GDPD5: variants seen among roughly 807,000 people sequenced by gnomAD.
The protein encoded by GDPD5 is glycerophosphodiester phosphodiesterase domain containing 5, also known as glycerophosphodiester phosphodiesterase 2.
In GDPD5, 48 loss-of-function variants were observed where a neutral mutation model predicts 75.1. The ratio of observed to expected loss-of-function variants is 0.64; its 90% CI spans 0.51 to 0.81. GDPD5 has a LOEUF of 0.81. GDPD5 is among the 40% of genes least tolerant of loss of function. The pLI is 0.00. For synonymous variants in GDPD5, 336 were observed against 339.0 expected (o/e 0.99, Z 0.10); for missense variants, 706 against 822.6 (o/e 0.86, Z 1.73).
At position 75,444,416 on chromosome 11, in the gene GDPD5, A is replaced by C; in HGVS notation, c.794T>G (p.Ile265Ser). 6.2e-7 allele frequency: 1 copy of C among 1,611,422 alleles called. No homozygotes were observed. Among genetic ancestry groups the C allele is most frequent in the Non-Finnish European group, 8.5e-7 (1 of 1,177,796 alleles). ...ATCTCCCCTCCGCTACACCTACCTGATGGTAATGTCAGCCTGGAGCCCGTA... is the reference window on the plus strand; with the variant it reads ...ATCTCCCCTCCGCTACACCTACCTGCTGGTAATGTCAGCCTGGAGCCCGTA... ...KLYGLQADITISLDGVPFLMH... is the reference protein window; with the variant it reads ...KLYGLQADITSSLDGVPFLMH... The change falls in exon 10 of 17, where the codon ATC becomes AGC. Residue 265 changes from isoleucine (I) to serine (S), a missense_variant. Ile to Ser is a moderately radical substitution (Grantham distance 142). Coordinates refer to ENST00000336898, the MANE Select transcript of GDPD5 (RefSeq NM_030792.8).
At position 75,445,777 on chromosome 11, in the gene GDPD5, A is replaced by T. The variant is rs374562784; in HGVS notation, c.715-1282T>A. 2.3e-4 allele frequency among the ~76,000 whole-genome samples: 35 copies of T among 152,308 alleles called. No individual in the cohort carries two copies. The East Asian group carries it at 5.6e-3, about 24-fold the overall frequency. ...GCCAGGGAGTGGTGAGGGCTTTGGA[A>T]CGGACTAAAAAGGTGCAATTTCACT... is the stretch of plus-strand genomic sequence containing the variant. On this transcript the variant is annotated intron_variant, in intron 9 of 16. Transcript: ENST00000336898.
intron 10 of GDPD5, among the ~76,000 whole-genome samples, chr11:75,443,853 T>C (rs141584679): frequency 2.1e-3 from 314 of 152,358 alleles, no homozygotes; most frequent in Middle Eastern, 0.01. Flanking sequence ...CACCATCTGC[T>C]AGAAAGTTGT....
Position 75,456,742 on chromosome 11 carries a change from C to A in GDPD5, c.375+15G>T. The A allele has an allele frequency of 6.2e-7, 1 of 1,613,986 alleles. No individual in the cohort carries two copies. The highest frequency in any genetic ancestry group is 8.5e-7 in the Non-Finnish European group (1 of 1,179,880). On this transcript the variant is annotated intron_variant, in intron 6 of 16. Transcript: ENST00000336898. Reference sequence around the variant, plus strand: ...TCCCTTGCTCTCTCCCAGCCCCGGCCGAGGCGGCCCTTACCTTGTGCAGCC... The same window carrying A: ...TCCCTTGCTCTCTCCCAGCCCCGGCAGAGGCGGCCCTTACCTTGTGCAGCC...
intron 8 of GDPD5, among the ~76,000 whole-genome samples, 166 bp from the exon 9 acceptor site, chr11:75,449,288 C>T (rs533545715): frequency 6.6e-6 from 1 of 152,316 alleles, no homozygotes; most frequent in East Asian, 1.9e-4. Context: ...GACACAGGTG[C>T]ATACATGCAG....
In GDPD5 at chr11:75,435,641, C is replaced by T. The variant is rs376398826; in HGVS notation, c.1684G>A (p.Val562Ile). Residue 562 changes from valine (V) to isoleucine (I), a missense_variant, in exon 17 of 17, where the codon GTA becomes ATA. Physicochemically the swap from Val to Ile is conservative, Grantham distance 29 (BLOSUM62 3). Transcript: ENST00000336898. ...ACGGAGAGCACATCGGAGACCTCTA[C>T]ACCATCGCTGATCTCTGCTGGGCCA... ...KLIFSEISDG[V>I]EVSDVLSVCS... The T allele has an allele frequency of 9.3e-6, 15 of 1,610,744 alleles. No individual in the cohort carries two copies. The African/African-American group carries it at 1.5e-4, about 16-fold the overall frequency.
chr11:75,459,120 G>A (rs1949357275), intron 4 of GDPD5, among the ~76,000 whole-genome samples: 1 of 152,112 alleles, frequency 6.6e-6, no homozygotes, highest in Non-Finnish European at 1.5e-5. Context: ...TAAAAATCCT[G>A]AGAAAATGTG....
At position 75,441,680 on chromosome 11, in the gene GDPD5, G is replaced by A; in HGVS notation, c.1291C>T (p.Leu431=). The change falls in exon 13 of 17, where the codon CTG becomes TTG. Residue 431 remains leucine, a synonymous_variant. Transcript: ENST00000336898. ...LRRGHIQRLN[L]RYTQVSRQEL... ...TGGCGGGACACCTGAGTGTAGCGCAGGTTCAGCCGCTGGATGTGGCCTCTC... is the reference window on the plus strand; with the variant it reads ...TGGCGGGACACCTGAGTGTAGCGCAAGTTCAGCCGCTGGATGTGGCCTCTC... The A allele has an allele frequency of 5.0e-6, 8 of 1,603,866 alleles. No homozygotes were observed. Among genetic ancestry groups the A allele is most frequent in the Non-Finnish European group, 6.0e-6 (7 of 1,176,212 alleles).
At position 75,436,990 on chromosome 11, in the gene GDPD5, C is replaced by T. The variant is rs1382494613; in HGVS notation, c.1615G>A (p.Val539Met). The T allele has an allele frequency of 1.2e-6, 2 of 1,613,568 alleles. No homozygotes were observed. Among genetic ancestry groups the T allele is most frequent in the Admixed American group, 1.7e-5 (1 of 60,016 alleles). The change falls in exon 16 of 17, where the codon GTG becomes ATG. Residue 539 changes from valine to methionine, a missense_variant. Coordinates refer to ENST00000336898, the MANE Select transcript of GDPD5 (RefSeq NM_030792.8). ...CTGACGTCCCGGCTGGTCCGGCGCA[C>T]CGCAGCACTCAGCATGATCTGCTCA... ...NPEQIMLSAA[V>M]RRTSRDVSIM...
chr11:75,499,204 T>TG (rs1213152919), intron 1 of GDPD5, among the ~76,000 whole-genome samples: 10 of 151,936 alleles, frequency 6.6e-5, no homozygotes, highest in Non-Finnish European at 1.5e-4. Flanking sequence ...ATCCCCATCT[T>TG]GCAAGCAGCA....
intron 1 of GDPD5, among the ~76,000 whole-genome samples, chr11:75,512,812 GGCC>G (rs758022809): frequency 1.3e-5 from 2 of 152,166 alleles, no homozygotes; most frequent in Non-Finnish European, 2.9e-5. Context: ...CTATGTGGGA[GGCC>G]GAGGCAGGAG....
chr11:75,503,986 C>T (rs1393339446), intron 1 of GDPD5, among the ~76,000 whole-genome samples: 1 of 152,182 alleles, frequency 6.6e-6, no homozygotes, highest in African/African-American at 2.4e-5. Context: ...GGGGAAGGTC[C>T]CCAGGCTGGA....
rs749718316 is a variant in GDPD5, at chr11:75,441,692, G to A, written c.1279C>T (p.Gln427Ter). ...AVASLRRGHI[Q>*]RLNLRYTQVS... ...TGAGTGTAGCGCAGGTTCAGCCGCTGGATGTGGCCTCTCCGCAGGCTGGCG... is the reference window on the plus strand; with the variant it reads ...TGAGTGTAGCGCAGGTTCAGCCGCTAGATGTGGCCTCTCCGCAGGCTGGCG... The change falls in exon 13 of 17, where the codon CAG (glutamine) becomes TAG (stop). Residue 427 changes from glutamine (Q) to a stop codon, truncating the protein, a stop_gained. Coordinates refer to ENST00000336898, the MANE Select transcript of GDPD5 (RefSeq NM_030792.8). LOFTEE classifies it high-confidence loss of function. 3 of 1,608,828 alleles carry A rather than the reference G, an allele frequency of 1.9e-6. No homozygotes were observed. The South Asian group carries it at 3.3e-5, about 18-fold the overall frequency.
At chr11:75,460,821 G>A (rs960477808) in intron 4 of GDPD5, among the ~76,000 whole-genome samples, 11 of 152,102 alleles carry the variant, frequency 7.2e-5, no homozygotes, top group Admixed American at 6.6e-5. Context: ...AAACTGAGGC[G>A]ACAGGCTGAA....
chr11:75,477,760 TG>T lies in GDPD5; in HGVS notation c.-26del, dbSNP rs1949811634. On this transcript the variant is annotated 5_prime_UTR_variant, in exon 3 of 17. Transcript: ENST00000336898. ...TACTCGTGCCCACGGCCCTGGCGCC[TG>T]GCCCTCAGGCGCCCATGGAGGCCCC... 2.6e-6 allele frequency: 4 copies of T among 1,510,832 alleles called. No individual in the cohort carries two copies. Among genetic ancestry groups the T allele is most frequent in the Non-Finnish European group, 3.6e-6 (4 of 1,113,834 alleles). The allele number at this position is 1,510,832 out of a possible 1,614,324, so 93.6% of individuals were successfully genotyped here. A position where few individuals can be genotyped will look rare whatever the true frequency, so the allele number is the denominator to read the frequency against.
At chr11:75,474,476 C>G (rs764384835) in intron 3 of GDPD5, among the ~76,000 whole-genome samples, 2 of 152,248 alleles carry the variant, frequency 1.3e-5, no homozygotes, top group Non-Finnish European at 2.9e-5. Flanking sequence ...ACTTCCCCTT[C>G]CTGGCTGTTG....
Position 75,442,373 on chromosome 11 carries a change from G to A in GDPD5, c.1157C>T (p.Pro386Leu). 2 of 1,557,966 alleles carry A rather than the reference G, an allele frequency of 1.3e-6. No individual in the cohort carries two copies. ...TLEAVLHSGFPQHQVMWLPSR... is the reference protein window; with the variant it reads ...TLEAVLHSGFLQHQVMWLPSR... ...GTTGCAGGGCCTCACCTGGTGCTGG[G>A]GGAAGCCGGAGTGCAGCACGGCCTC... The change falls in exon 12 of 17, where the codon CCC becomes CTC. Residue 386 changes from proline to leucine, a missense_variant. Physicochemically the swap from Pro to Leu is moderately conservative, Grantham distance 98 (BLOSUM62 -3). Coordinates refer to ENST00000336898, the MANE Select transcript of GDPD5 (RefSeq NM_030792.8).
At chr11:75,463,280 C>G (rs1367026241) in intron 3 of GDPD5, among the ~76,000 whole-genome samples, 1 of 152,228 alleles carries the variant, frequency 6.6e-6, no homozygotes, top group African/African-American at 2.4e-5. Context: ...CACTCTTCTT[C>G]TCCACCTCTA....
intron 1 of GDPD5, among the ~76,000 whole-genome samples, chr11:75,512,210 C>G (rs886293982): frequency 6.7e-6 from 1 of 150,026 alleles, no homozygotes; most frequent in Non-Finnish European, 1.5e-5. Context: ...AATGAATACA[C>G]GAACCAATTC....
At chr11:75,443,782 T>C (rs1376318444) in intron 10 of GDPD5, among the ~76,000 whole-genome samples, 2 of 152,250 alleles carry the variant, frequency 1.3e-5, no homozygotes, top group African/African-American at 4.8e-5. Flanking sequence ...ATAGCTCATA[T>C]GGTGCCTTAG....
Sources: gnomAD v4.1 joint callset for allele counts (sites outside exome capture counted in the v4.1 genomes callset) on GRCh38, gnomAD v4.1.1 for gene constraint, MANE v1.5 for transcripts, NCBI Gene and HGNC (gene_info 2026-07-23, HGNC 2026-07-21) for gene names.